The following LIN7A variants were observed in gnomAD, a reference collection of about 807,000 sequenced individuals.
LIN7A encodes lin-7 cell polarity scaffold A.
In LIN7A, 25 loss-of-function variants were observed where a neutral mutation model predicts 29.8. The observed-to-expected ratio is 0.84, with a 90% CI of 0.61 to 1.17. The LOEUF is 1.17. Ranked by LOEUF, LIN7A falls within the 50% of genes most tolerant of loss-of-function variation. The pLI, the probability that LIN7A is intolerant of heterozygous loss-of-function variation, is 0.00. For missense variants in LIN7A, 239 were observed against 287.0 expected (o/e 0.83, Z 1.21); for synonymous variants, 118 against 107.5 (o/e 1.10, Z -0.60).
At chr12:80,801,386 C>T (rs1295674136) in intron 5 of LIN7A, among the ~76,000 whole-genome samples, 2 of 152,104 alleles carry the variant, frequency 1.3e-5, no homozygotes, top group African/African-American at 2.4e-5. Context: ...TACCGCTACT[C>T]GTTTTGAAGA....
chr12:80,927,445 G>T (rs1017499735), intron 1 of LIN7A, among the ~76,000 whole-genome samples: 1 of 152,070 alleles, frequency 6.6e-6, no homozygotes, highest in Non-Finnish European at 1.5e-5. Flanking sequence ...CACCACGCCC[G>T]GCCACAGTAA....
intron 2 of LIN7A, among the ~76,000 whole-genome samples, chr12:80,861,801 G>A (rs1873896401): frequency 6.6e-6 from 1 of 152,182 alleles, no homozygotes. Flanking sequence ...AATTATCTTG[G>A]TCAGAAAACA....
At chr12:80,873,065 T>C (rs1290355040) in intron 2 of LIN7A, among the ~76,000 whole-genome samples, 1 of 152,226 alleles carries the variant, frequency 6.6e-6, no homozygotes, top group Non-Finnish European at 1.5e-5. Flanking sequence ...TGTGTGGCAC[T>C]GTTCTCTTTT....
chr12:80,900,803 T>C (rs1488230480), intron 1 of LIN7A, among the ~76,000 whole-genome samples: 1 of 152,212 alleles, frequency 6.6e-6, no homozygotes, highest in East Asian at 1.9e-4. Context: ...TTAACAATGA[T>C]ACCATGTCAA....
At chr12:80,839,620 G>A (rs940648377) in intron 4 of LIN7A, among the ~76,000 whole-genome samples, 3 of 152,164 alleles carry the variant, frequency 2.0e-5, no homozygotes, top group African/African-American at 7.2e-5. Context: ...TCTTTGTTCC[G>A]ACACAGATAA....
chr12:80,937,839 G>A lies in LIN7A; in HGVS notation c.-117C>T, dbSNP rs1878334743. 2.6e-6 allele frequency: 2 copies of A among 759,892 alleles called. No homozygotes were observed. Among genetic ancestry groups the A allele is most frequent in the African/African-American group, 1.8e-5 (1 of 54,272 alleles). The allele number at this position is 759,892 out of a possible 1,614,324, so 47.1% of individuals were successfully genotyped here. ...GAAGGTGGTGGTGGTGGAGAAGAAA[G>A]CTTGGGTGGGTTGGTAGCCAGATGG... On this transcript the variant is annotated 5_prime_UTR_variant, in exon 1 of 6. Transcript: ENST00000552864.
intron 4 of LIN7A, 24 bp from the exon 5 acceptor site, chr12:80,811,707 A>C: frequency 1.3e-6 from 2 of 1,587,252 alleles, no homozygotes; most frequent in Non-Finnish European, 1.7e-6. Flanking sequence ...GACACTTCTT[A>C]AAGGGAGGAG....
intron 1 of LIN7A, among the ~76,000 whole-genome samples, chr12:80,925,565 C>G (rs1877538586): frequency 6.6e-6 from 1 of 152,160 alleles, no homozygotes; most frequent in African/African-American, 2.4e-5. Flanking sequence ...TCATTTAAAA[C>G]CAACAACTTT....
At chr12:80,910,134 G>A (rs1876681882) in intron 1 of LIN7A, among the ~76,000 whole-genome samples, 1 of 152,026 alleles carries the variant, frequency 6.6e-6, no homozygotes, top group African/African-American at 2.4e-5. Context: ...GTACTTTCCT[G>A]TTTTGATGAT....
rs370699035 is a variant in LIN7A at position 80,795,076 on chromosome 12, G to A, written c.*2651C>T. The A allele has an allele frequency of 1.3e-5, 2 of 152,060 alleles. No homozygotes were observed. The highest frequency in any genetic ancestry group is 4.8e-5 in the African/African-American group (2 of 41,408). 9.4% of individuals were successfully genotyped at this position (152,060 alleles called of 1,614,324 possible). A position where few individuals can be genotyped will look rare whatever the true frequency, so the allele number is the denominator to read the frequency against. Reference sequence around the variant, plus strand: ...TAATTTGTTTATTACATTGAATTGAGCTTCATGTCAGAGCAATGCAGGTTT... The same window carrying A: ...TAATTTGTTTATTACATTGAATTGAACTTCATGTCAGAGCAATGCAGGTTT... On this transcript the variant is annotated 3_prime_UTR_variant, in exon 6 of 6. Coordinates refer to ENST00000552864, the MANE Select transcript of LIN7A (RefSeq NM_004664.4).
Position 80,797,514 on chromosome 12 carries a change from C to T in LIN7A, c.*213G>A, listed in dbSNP as rs1259482027. ...ATTCCCACTGCAGTGAATGGAAGGT[C>T]AATGTATGTAAAGCCCACGTGAGCA... is the stretch of plus-strand genomic sequence containing the variant. On this transcript the variant is annotated 3_prime_UTR_variant, in exon 6 of 6. Coordinates refer to ENST00000552864, the MANE Select transcript of LIN7A (RefSeq NM_004664.4). 6.6e-6 allele frequency: 1 copy of T among 152,610 alleles called. No homozygotes were observed. The highest frequency in any genetic ancestry group is 6.5e-5 in the Admixed American group (1 of 15,274). The allele number at this position is 152,610 out of a possible 1,614,324, so 9.5% of individuals were successfully genotyped here.
chr12:80,840,939 T>C (rs993759618), intron 4 of LIN7A, among the ~76,000 whole-genome samples: 7 of 152,196 alleles, frequency 4.6e-5, no homozygotes, highest in African/African-American at 9.6e-5. Context: ...TTAGTCTTTC[T>C]CCATTTAGAG....
At chr12:80,900,664 C>G (rs1384855589) in intron 1 of LIN7A, among the ~76,000 whole-genome samples, 1 of 152,036 alleles carries the variant, frequency 6.6e-6, no homozygotes, top group East Asian at 1.9e-4. Flanking sequence ...GCTGAGGATT[C>G]TTTTATGGCA....
intron 1 of LIN7A, among the ~76,000 whole-genome samples, chr12:80,927,066 C>T (rs760942778): frequency 6.6e-6 from 1 of 151,144 alleles, no homozygotes; most frequent in Non-Finnish European, 1.5e-5. Flanking sequence ...TCATCACATG[C>T]CTTTATCAAT....
At chr12:80,822,488 G>C (rs1323866262) in intron 4 of LIN7A, among the ~76,000 whole-genome samples, 2 of 152,132 alleles carry the variant, frequency 1.3e-5, no homozygotes, top group South Asian at 4.1e-4. Context: ...AACCCAGGGG[G>C]TGGAGGTTGC....
chr12:80,910,277 T>C (rs1218711177), intron 1 of LIN7A, among the ~76,000 whole-genome samples: 1 of 152,220 alleles, frequency 6.6e-6, no homozygotes, highest in Non-Finnish European at 1.5e-5. Context: ...AGTAGCTTTT[T>C]TGGCAGATCC....
rs568986071 is a variant in LIN7A at position 80,814,469 on chromosome 12, C to T, written c.484-2786G>A. Among the ~76,000 whole-genome samples the T allele has an allele frequency of 1.1e-4, 17 of 152,262 alleles. No homozygotes were observed. The East Asian group carries it at 3.1e-3, about 28-fold the overall frequency. Reference sequence around the variant, plus strand: ...GGCCAGATCATCAGTCTGTAGACTTCTTCGTGGCTTTTGTTCTATTTGCTT... The same window carrying T: ...GGCCAGATCATCAGTCTGTAGACTTTTTCGTGGCTTTTGTTCTATTTGCTT... On this transcript the variant is annotated intron_variant, in intron 4 of 5. Coordinates refer to ENST00000552864, the MANE Select transcript of LIN7A (RefSeq NM_004664.4).
rs1453613883 is a variant in LIN7A at position 80,935,329 on chromosome 12, T to C, written c.82+2312A>G. On this transcript the variant is annotated intron_variant, in intron 1 of 5. Transcript: ENST00000552864. ...GTACCAAAGCAGCCTGGGAGAGAGG[T>C]GATCTGGAAAATCTCCCAGTAGGTG... Among the ~76,000 whole-genome samples, 6 of 152,150 alleles carry C rather than the reference T, an allele frequency of 3.9e-5. No individual in the cohort carries two copies. The East Asian group carries it at 7.7e-4, about 20-fold the overall frequency.
At chr12:80,898,839 C>G (rs950219856) in intron 1 of LIN7A, among the ~76,000 whole-genome samples, 4 of 152,044 alleles carry the variant, frequency 2.6e-5, no homozygotes, top group Admixed American at 2.0e-4. Context: ...GTTTTTGTAT[C>G]CTGAAATTTT....
Sources: gnomAD v4.1 joint callset for allele counts (sites outside exome capture counted in the v4.1 genomes callset) on GRCh38, gnomAD v4.1.1 for gene constraint, MANE v1.5 for transcripts, NCBI Gene and HGNC (gene_info 2026-07-23, HGNC 2026-07-21) for gene names.